The following MCHR2 variants were observed in gnomAD, a reference collection of about 807,000 sequenced individuals.
The protein encoded by MCHR2 is melanin-concentrating hormone receptor 2.
A neutral mutation model predicts 24.8 loss-of-function variants in MCHR2; 15 were observed. The ratio of observed to expected loss-of-function variants is 0.60; its 90% CI spans 0.40 to 0.93. The LOEUF (loss-of-function observed/expected upper bound fraction) is 0.93. Ranked by LOEUF, MCHR2 falls within the 40% of genes least tolerant of loss-of-function variation. The pLI, the probability that MCHR2 is intolerant of heterozygous loss-of-function variation, is 0.00. For missense variants in MCHR2, 386 were observed against 408.7 expected (o/e 0.94, Z 0.48); for synonymous variants, 151 against 147.6 (o/e 1.02, Z -0.17).
chr6:99,990,689 A>G (rs1387595755), intron 1 of MCHR2, among the ~76,000 whole-genome samples: 3 of 152,116 alleles, frequency 2.0e-5, no homozygotes, highest in Admixed American at 2.0e-4. Context: ...TCTAACTTTT[A>G]AAAACTTTTC....
At chr6:99,972,359 G>C (rs1340614554) in intron 1 of MCHR2, among the ~76,000 whole-genome samples, 3 of 152,114 alleles carry the variant, frequency 2.0e-5, no homozygotes, top group Non-Finnish European at 4.4e-5. Context: ...AGAGGTGTTG[G>C]TAGTATTCTC....
intron 5 of MCHR2, among the ~76,000 whole-genome samples, chr6:99,923,786 A>G (rs1008050276): frequency 1.3e-5 from 2 of 152,068 alleles, no homozygotes; most frequent in Non-Finnish European, 2.9e-5. Context: ...GTCATGATGA[A>G]TGAGATTTCT....
At chr6:99,993,728 G>C (rs981296517) in intron 1 of MCHR2, among the ~76,000 whole-genome samples, 1 of 151,976 alleles carries the variant, frequency 6.6e-6, no homozygotes, top group Non-Finnish European at 1.5e-5. Context: ...GCCCCGCTCC[G>C]TCTCGTAGGT....
intron 4 of MCHR2, among the ~76,000 whole-genome samples, chr6:99,934,966 C>T (rs954498350): frequency 2.0e-5 from 3 of 151,944 alleles, no homozygotes; most frequent in Admixed American, 1.3e-4. Flanking sequence ...GTGGCTTGCC[C>T]AAGATTACCC....
intron 5 of MCHR2, among the ~76,000 whole-genome samples, chr6:99,930,527 T>C (rs1415799937): frequency 6.6e-6 from 1 of 152,198 alleles, no homozygotes; most frequent in Non-Finnish European, 1.5e-5. Context: ...TCTTGGAGGC[T>C]TTGTTCGTTT....
chr6:99,973,958 G>C (rs1177535526), intron 1 of MCHR2, among the ~76,000 whole-genome samples: 1 of 152,156 alleles, frequency 6.6e-6, no homozygotes, highest in Non-Finnish European at 1.5e-5. Context: ...TCCCTTTGTG[G>C]GTAACCCGAC....
intron 1 of MCHR2, among the ~76,000 whole-genome samples, chr6:99,982,467 GAAA>G (rs1196029682): frequency 3.6e-4 from 17 of 46,640 alleles, no homozygotes; most frequent in East Asian, 7.3e-4. Context: ...TGTCTGTACA[GAAA>G]AAAAAAAAAA....
chr6:99,981,529 A>G (rs1214021298), intron 1 of MCHR2, among the ~76,000 whole-genome samples: 1 of 152,186 alleles, frequency 6.6e-6, no homozygotes, highest in Non-Finnish European at 1.5e-5. Context: ...GTTCTACCCT[A>G]CAGGGATTGA....
In MCHR2 at chr6:99,947,861, T is replaced by A. The variant is rs1379147249; in HGVS notation, c.293A>T (p.Glu98Val). Residue 98 changes from glutamate (E) to valine (V), a missense_variant, in exon 3 of 6, where the codon GAG becomes GTG. Coordinates refer to ENST00000281806, the MANE Select transcript of MCHR2 (RefSeq NM_001040179.2). ...GCAGAGAGGCCCCCCAAACACCCAC[T>A]CTCCCCCTCGGGCCCATTGGTGAAT... is the stretch of plus-strand genomic sequence containing the variant. ...FLIHQWARGGEWVFGGPLCTI... is the reference protein window; with the variant it reads ...FLIHQWARGGVWVFGGPLCTI... 1 of 1,613,452 alleles carries A rather than the reference T, an allele frequency of 6.2e-7. No homozygotes were observed. Among genetic ancestry groups the A allele is most frequent in the Non-Finnish European group, 8.5e-7 (1 of 1,179,770 alleles).
At chr6:99,960,366 T>C (rs7756890) in intron 1 of MCHR2, among the ~76,000 whole-genome samples, 3 of 152,112 alleles carry the variant, frequency 2.0e-5, no homozygotes, top group East Asian at 1.9e-4. Context: ...TCCATGCTCA[T>C]TGATAGGAAG....
chr6:99,947,452 T>TG (rs894045088), intron 3 of MCHR2, among the ~76,000 whole-genome samples: 2 of 152,122 alleles, frequency 1.3e-5, no homozygotes, highest in African/African-American at 2.4e-5. Context: ...GTGAAATTGA[T>TG]GGGGGGAATT....
chr6:99,931,732 C>T (rs1464022306), intron 5 of MCHR2, among the ~76,000 whole-genome samples: 1 of 152,140 alleles, frequency 6.6e-6, no homozygotes, highest in Non-Finnish European at 1.5e-5. Context: ...TTTCCAGGTG[C>T]CGTCTGTCAC....
chr6:99,953,775 A>G (rs1775010262), intron 2 of MCHR2, among the ~76,000 whole-genome samples: 1 of 152,008 alleles, frequency 6.6e-6, no homozygotes, highest in Admixed American at 6.6e-5. Context: ...AATTTCTTCT[A>G]GCACTTAAAG....
chr6:99,945,123 A>G (rs1211498053), intron 3 of MCHR2, among the ~76,000 whole-genome samples: 1 of 152,204 alleles, frequency 6.6e-6, no homozygotes, highest in Non-Finnish European at 1.5e-5. Flanking sequence ...ATGTGGAAAT[A>G]TACAATTACT....
intron 1 of MCHR2, among the ~76,000 whole-genome samples, chr6:99,992,987 A>T (rs2114605772): frequency 6.6e-6 from 1 of 152,322 alleles, no homozygotes; most frequent in African/African-American, 2.4e-5. Flanking sequence ...ATTATTAAGA[A>T]GTCAGAAAAC....
chr6:99,950,303 T>A (rs1195023000), intron 2 of MCHR2, among the ~76,000 whole-genome samples: 1 of 152,158 alleles, frequency 6.6e-6, no homozygotes, highest in South Asian at 2.1e-4. Flanking sequence ...AACAATTAAA[T>A]AGAAATTGTA....
chr6:99,974,346 T>C (rs1305231474), intron 1 of MCHR2, among the ~76,000 whole-genome samples: 2 of 152,266 alleles, frequency 1.3e-5, no homozygotes, highest in East Asian at 3.8e-4. Context: ...TTCCAGTTGA[T>C]TGCATTGGCT....
chr6:99,971,669 C>A (rs1267386589), intron 1 of MCHR2, among the ~76,000 whole-genome samples: 2 of 152,136 alleles, frequency 1.3e-5, no homozygotes, highest in Admixed American at 6.6e-5. Flanking sequence ...CCAGTTTTTG[C>A]CCATTCAACA....
At chr6:99,979,513 T>TA (rs1410057939) in intron 1 of MCHR2, among the ~76,000 whole-genome samples, 7 of 152,148 alleles carry the variant, frequency 4.6e-5, no homozygotes, top group African/African-American at 1.7e-4. Flanking sequence ...AGACTAAGTA[T>TA]AAAAAATGTA....
Sources: gnomAD v4.1 joint callset for allele counts (sites outside exome capture counted in the v4.1 genomes callset) on GRCh38, gnomAD v4.1.1 for gene constraint, MANE v1.5 for transcripts, NCBI Gene and HGNC (gene_info 2026-07-23, HGNC 2026-07-21) for gene names.